DAB1: variants seen among roughly 807,000 people sequenced by gnomAD.
DAB1 encodes the protein DAB adaptor protein 1.
Under a neutral mutation model 64.6 loss-of-function variants are expected in DAB1, and 15 were observed. The ratio of observed to expected loss-of-function variants is 0.23; its 90% CI spans 0.16 to 0.36. The LOEUF is 0.36. DAB1 is among the 10% of genes least tolerant of loss of function. The pLI, the probability that DAB1 is intolerant of heterozygous loss-of-function variation, is 1.00. For missense variants in DAB1, 596 were observed against 706.7 expected (o/e 0.84, Z 1.78); for synonymous variants, 235 against 251.9 (o/e 0.93, Z 0.64).
rs981223077 is a variant in DAB1, at chr1:57,200,481, T to C, written c.68-55052A>G. Among the ~76,000 whole-genome samples, 4 of 152,214 alleles carry C rather than the reference T, an allele frequency of 2.6e-5. No homozygotes were observed. The East Asian group carries it at 5.8e-4, about 22-fold the overall frequency. The stretch of plus-strand genomic sequence containing the variant: ...TTATGTAGTATAGTGGTTACGAGCA[T>C]GTAGTGTGGAGGCAGAGAGCCAGGG... On this transcript the variant is annotated intron_variant, in intron 2 of 14. Transcript: ENST00000371236.
chr1:57,875,427 T>G (rs1040674624), intron 1 of DAB1, among the ~76,000 whole-genome samples: 1 of 152,196 alleles, frequency 6.6e-6, no homozygotes, highest in Admixed American at 6.6e-5. Context: ...CATTCATTCA[T>G]TCATCCACTC....
intron 2 of DAB1, among the ~76,000 whole-genome samples, chr1:57,286,520 G>A (rs1672328395): frequency 1.3e-5 from 2 of 152,140 alleles, no homozygotes; most frequent in Non-Finnish European, 2.9e-5. Context: ...GTTGTTAATA[G>A]TAGTTATTTT....
chr1:58,321,666 A>G (rs1662686367), intron 4 of DAB1, among the ~76,000 whole-genome samples: 2 of 152,256 alleles, frequency 1.3e-5, no homozygotes, highest in Admixed American at 1.3e-4. Flanking sequence ...CTGCTAGCGC[A>G]GTAGTCTGAG....
At chr1:58,367,810 A>C (rs1387855964) in intron 3 of DAB1, among the ~76,000 whole-genome samples, 1 of 152,178 alleles carries the variant, frequency 6.6e-6, no homozygotes, top group Non-Finnish European at 1.5e-5. Flanking sequence ...CCATGGGCTC[A>C]TTAATGCTAC....
intron 7 of DAB1, among the ~76,000 whole-genome samples, chr1:57,595,229 A>C: frequency 6.6e-6 from 1 of 151,696 alleles, no homozygotes; most frequent in Admixed American, 6.6e-5. Flanking sequence ...TAGATTCTAA[A>C]ATTTTTTTTA....
At chr1:58,298,784 T>G (rs951930019) in intron 4 of DAB1, among the ~76,000 whole-genome samples, 20 of 152,232 alleles carry the variant, frequency 1.3e-4, no homozygotes, top group Non-Finnish European at 2.4e-4. Flanking sequence ...CTTGCATCAC[T>G]GTCTCCAGGA....
chr1:57,340,831 A>C (rs1396056697), intron 1 of DAB1, among the ~76,000 whole-genome samples: 4 of 152,298 alleles, frequency 2.6e-5, no homozygotes, highest in South Asian at 4.1e-4. Context: ...TGATGCCAGC[A>C]CCTGGGCTCT....
At chr1:57,902,349 A>G (rs1416483612) in intron 5 of DAB1, among the ~76,000 whole-genome samples, 2 of 152,080 alleles carry the variant, frequency 1.3e-5, no homozygotes, top group Non-Finnish European at 2.9e-5. Context: ...CAATATCGTT[A>G]TCTTGTTTAC....
chr1:57,647,603 A>C (rs557324516), intron 7 of DAB1, among the ~76,000 whole-genome samples: 2 of 152,354 alleles, frequency 1.3e-5, no homozygotes, highest in East Asian at 3.9e-4. Context: ...TAACCCAAGC[A>C]GGAACACAGA....
chr1:57,909,621 A>G (rs1353169856), intron 5 of DAB1, among the ~76,000 whole-genome samples: 1 of 152,228 alleles, frequency 6.6e-6, no homozygotes, highest in African/African-American at 2.4e-5. Context: ...CTACTGGGTA[A>G]TAAGTGTTGC....
At chr1:58,332,839 T>G (rs918378925) in intron 4 of DAB1, among the ~76,000 whole-genome samples, 3 of 152,194 alleles carry the variant, frequency 2.0e-5, no homozygotes, top group Non-Finnish European at 4.4e-5. Context: ...CTCTCATACT[T>G]TCATTCTCAA....
intron 2 of DAB1, among the ~76,000 whole-genome samples, chr1:57,227,565 G>A (rs1012226083): frequency 1.4e-5 from 2 of 144,308 alleles, no homozygotes; most frequent in Admixed American, 7.0e-5. Context: ...GTGTGTGTTT[G>A]GTTTTGTTGA....
chr1:57,059,503 AG>A (rs893580717), intron 9 of DAB1, among the ~76,000 whole-genome samples: 5 of 152,122 alleles, frequency 3.3e-5, no homozygotes, highest in Admixed American at 3.3e-4. Context: ...TTTCTGGCTA[AG>A]GGAAAGGTGG....
chr1:58,321,376 A>G (rs183230587), intron 4 of DAB1, among the ~76,000 whole-genome samples: 44 of 152,238 alleles, frequency 2.9e-4, no homozygotes, highest in African/African-American at 1.0e-3. Flanking sequence ...TGCATTTCCA[A>G]CTGAGGTACC....
chr1:57,526,632 T>A (rs1644596804), intron 7 of DAB1, among the ~76,000 whole-genome samples: 1 of 152,194 alleles, frequency 6.6e-6, no homozygotes, highest in Non-Finnish European at 1.5e-5. Flanking sequence ...CATTTATTGA[T>A]CAGAAAGTAT....
At chr1:57,419,247 G>A (rs924539364) in intron 1 of DAB1, among the ~76,000 whole-genome samples, 3 of 152,304 alleles carry the variant, frequency 2.0e-5, no homozygotes, top group South Asian at 2.1e-4. Flanking sequence ...TGGACAAGGA[G>A]TCCAAGAATC....
intron 5 of DAB1, among the ~76,000 whole-genome samples, chr1:58,128,000 T>G (rs1255532373): frequency 1.3e-5 from 2 of 152,028 alleles, no homozygotes; most frequent in Non-Finnish European, 2.9e-5. Flanking sequence ...GTGAAGAAAG[T>G]CATTGGTAGC....
intron 6 of DAB1, among the ~76,000 whole-genome samples, chr1:57,764,851 CATAA>C: frequency 8.5e-6 from 1 of 117,048 alleles, no homozygotes; most frequent in East Asian, 2.4e-4. Context: ...CTGTAGTTAA[CATAA>C]AGAAAAGAAG....
intron 1 of DAB1, chr1:58,533,802 C>T (rs1646473849): frequency 1.6e-6 from 1 of 606,936 alleles, no homozygotes. Flanking sequence ...TAGCCAATCA[C>T]GTTTTTTTCA....
Sources: allele counts gnomAD v4.1 joint callset (sites outside exome capture counted in the v4.1 genomes callset), GRCh38; gene constraint gnomAD v4.1.1; transcripts MANE v1.5; gene names NCBI Gene and HGNC (gene_info 2026-07-23, HGNC 2026-07-21).